KIAA1328: variants seen among roughly 807,000 people sequenced by gnomAD.
KIAA1328 encodes the protein KIAA1328.
In KIAA1328, 52 loss-of-function variants were observed where a neutral mutation model predicts 68.1. The ratio of observed to expected loss-of-function variants is 0.76; its 90% CI spans 0.61 to 0.96. The LOEUF is 0.96. KIAA1328 is among the 40% of genes least tolerant of loss of function. The probability of loss-of-function intolerance (pLI) is 0.00; values close to 1 mark genes in which losing one functional copy is unlikely to be tolerated. For missense variants in KIAA1328, 641 were observed against 677.6 expected (o/e 0.95, Z 0.60); for synonymous variants, 232 against 239.4 (o/e 0.97, Z 0.28).
At chr18:37,035,337 A>G (rs2054983727) in intron 6 of KIAA1328, among the ~76,000 whole-genome samples, 1 of 152,228 alleles carries the variant, frequency 6.6e-6, no homozygotes, top group Non-Finnish European at 1.5e-5. Flanking sequence ...GCCCTACTCC[A>G]TACCTACTAA....
At chr18:37,111,858 C>T (rs1017438880) in intron 7 of KIAA1328, among the ~76,000 whole-genome samples, 31 of 152,206 alleles carry the variant, frequency 2.0e-4, no homozygotes, top group Non-Finnish European at 4.0e-4. Flanking sequence ...TAGCAAACAG[C>T]ACACCAGGAG....
chr18:37,194,631 A>G (rs187225229), intron 9 of KIAA1328, among the ~76,000 whole-genome samples: 2 of 152,104 alleles, frequency 1.3e-5, no homozygotes, highest in African/African-American at 2.4e-5. Context: ...ATCTATTCCT[A>G]TAATAGTTTG....
At chr18:37,217,854 G>A (rs184444592) in intron 9 of KIAA1328, among the ~76,000 whole-genome samples, 4 of 152,156 alleles carry the variant, frequency 2.6e-5, no homozygotes, top group African/African-American at 9.7e-5. Flanking sequence ...TTTCTTGGAG[G>A]CTTTGTTCGT....
intron 6 of KIAA1328, among the ~76,000 whole-genome samples, chr18:37,017,838 G>A (rs2151514702): frequency 6.6e-6 from 1 of 151,894 alleles, no homozygotes; most frequent in Admixed American, 6.6e-5. Flanking sequence ...CCTTTACTTT[G>A]ATCCTATCAG....
chr18:37,043,293 G>A (rs1157741312), intron 6 of KIAA1328, among the ~76,000 whole-genome samples: 1 of 152,104 alleles, frequency 6.6e-6, no homozygotes, highest in African/African-American at 2.4e-5. Context: ...CCCCAAGTAT[G>A]GGTCACTCTT....
chr18:37,229,772 G>C (rs1210055555), downstream of KIAA1328: 1 of 220,684 alleles, frequency 4.5e-6, no homozygotes, highest in African/African-American at 2.4e-5. Flanking sequence ...TGTAGTCCCG[G>C]CTACTCAGGA....
At chr18:36,987,714 G>T (rs2151397654) in intron 6 of KIAA1328, among the ~76,000 whole-genome samples, 1 of 152,056 alleles carries the variant, frequency 6.6e-6, no homozygotes, top group East Asian at 1.9e-4. Context: ...TATGTTCTTG[G>T]TCTTGACTGT....
intron 6 of KIAA1328, among the ~76,000 whole-genome samples, chr18:36,969,105 A>G (rs1195385916): frequency 6.6e-6 from 1 of 152,206 alleles, no homozygotes; most frequent in Non-Finnish European, 1.5e-5. Context: ...ACAAAGGTAC[A>G]ATATACCAGA....
intron 5 of KIAA1328, among the ~76,000 whole-genome samples, chr18:36,917,454 T>A (rs746822580): frequency 3.9e-5 from 6 of 152,166 alleles, no homozygotes; most frequent in Non-Finnish European, 8.8e-5. Context: ...ACTTGTGGCC[T>A]CAGACAATCC....
rs2051554238 is a variant in KIAA1328 at position 36,959,280 on chromosome 18, GT to G, written c.449-21del. The stretch of plus-strand genomic sequence containing the variant: ...GGATGCAGTTTGAATCAATTTTTCA[GT>G]TTTTTTCCCTTAATTTGCAATCTCA... On this transcript the variant is annotated intron_variant, in intron 5 of 9. Coordinates refer to ENST00000280020, the MANE Select transcript of KIAA1328 (RefSeq NM_020776.3). 13 of 1,540,694 alleles carry G rather than the reference GT, an allele frequency of 8.4e-6. No homozygotes were observed. In the Middle Eastern group the frequency reaches 7.0e-4, roughly 83 times the overall value.
At chr18:37,055,492 A>G (rs370821528) in intron 6 of KIAA1328, among the ~76,000 whole-genome samples, 46 of 152,338 alleles carry the variant, frequency 3.0e-4, no homozygotes, top group African/African-American at 9.6e-4. Flanking sequence ...CTGCCAGCAG[A>G]GGAGAGTTAA....
chr18:37,122,664 G>A (rs1022159963), intron 7 of KIAA1328, among the ~76,000 whole-genome samples: 3 of 151,986 alleles, frequency 2.0e-5, no homozygotes, highest in Admixed American at 1.3e-4. Context: ...CAGTTGATGG[G>A]TTTGCCAGCA....
chr18:37,204,284 T>G (rs2060174355), intron 9 of KIAA1328, among the ~76,000 whole-genome samples: 2 of 152,232 alleles, frequency 1.3e-5, no homozygotes, highest in African/African-American at 2.4e-5. Context: ...TACTGACAAT[T>G]CAGAAAACAT....
downstream of KIAA1328, among the ~76,000 whole-genome samples, chr18:37,227,487 A>C (rs1272818002): frequency 2.0e-5 from 3 of 152,194 alleles, no homozygotes; most frequent in African/African-American, 7.2e-5. Flanking sequence ...CTTTAAGTTA[A>C]AGCCAATGCC....
intron 5 of KIAA1328, among the ~76,000 whole-genome samples, chr18:36,886,841 G>A (rs2048517920): frequency 6.6e-6 from 1 of 152,140 alleles, no homozygotes; most frequent in South Asian, 2.1e-4. Flanking sequence ...CTATGCCTTT[G>A]TGAATACCAG....
chr18:36,974,439 G>A (rs2052379360), intron 6 of KIAA1328, among the ~76,000 whole-genome samples: 1 of 152,064 alleles, frequency 6.6e-6, no homozygotes, highest in African/African-American at 2.4e-5. Context: ...GAAGATAAAA[G>A]CCTCCAGTTC....
chr18:37,032,274 C>G (rs77780605), intron 6 of KIAA1328, among the ~76,000 whole-genome samples: 1,904 of 152,276 alleles, frequency 0.013, 50 homozygotes, highest in Admixed American at 0.064. Context: ...TTCCCACTTC[C>G]ATTTGTTCTG....
chr18:36,913,002 T>C (rs773174050), intron 5 of KIAA1328, among the ~76,000 whole-genome samples: 2 of 152,218 alleles, frequency 1.3e-5, no homozygotes, highest in Non-Finnish European at 2.9e-5. Context: ...CCTCTGTGAT[T>C]TGAGGGTCCA....
At chr18:37,019,650 G>A (rs1480076490) in intron 6 of KIAA1328, among the ~76,000 whole-genome samples, 2 of 152,204 alleles carry the variant, frequency 1.3e-5, no homozygotes, top group Admixed American at 6.5e-5. Context: ...TAATCCAAGT[G>A]GGTGTTCCAG....
Sources: gnomAD v4.1 joint callset for allele counts (sites outside exome capture counted in the v4.1 genomes callset) on GRCh38, gnomAD v4.1.1 for gene constraint, MANE v1.5 for transcripts, NCBI Gene and HGNC (gene_info 2026-07-23, HGNC 2026-07-21) for gene names.